AMN1: variants seen among roughly 807,000 people sequenced by gnomAD.
The protein encoded by AMN1 is antagonist of mitotic exit network 1 homolog, also known as protein AMN1 homolog.
AMN1 carries 20 observed loss-of-function variants against 33.0 expected under a neutral mutation model. The ratio of observed to expected loss-of-function variants is 0.61; its 90% CI spans 0.43 to 0.88. The LOEUF is 0.88. Among genes scored for constraint, AMN1 ranks in the 40% least tolerant of loss-of-function variants. AMN1 has a pLI of 0.00. For synonymous variants in AMN1, 114 were observed against 111.9 expected (o/e 1.02, Z -0.12); for missense variants, 246 against 307.4 (o/e 0.80, Z 1.49).
chr12:31,686,516 C>T (rs1938268649), intron 6 of AMN1, among the ~76,000 whole-genome samples: 1 of 152,020 alleles, frequency 6.6e-6, no homozygotes, highest in African/African-American at 2.4e-5. Flanking sequence ...GATGGGGTTA[C>T]ACCCTGACAA....
chr12:31,700,114 G>A lies in AMN1; in HGVS notation c.316+1749C>T, dbSNP rs879396823. On this transcript the variant is annotated intron_variant, in intron 3 of 6. Transcript: ENST00000281471. ...ACTCAACTACCCACACAGTTTTCCAGAATTCTAAGAGGCCAAAAAAGTCCC... is the reference window on the plus strand; with the variant it reads ...ACTCAACTACCCACACAGTTTTCCAAAATTCTAAGAGGCCAAAAAAGTCCC... Among the ~76,000 whole-genome samples the A allele has an allele frequency of 3.4e-5, 5 of 148,570 alleles. No homozygotes were observed. In the Admixed American group the frequency reaches 3.4e-4, roughly 10 times the overall value.
intron 1 of AMN1, among the ~76,000 whole-genome samples, chr12:31,721,689 C>T (rs1939882531): frequency 6.6e-6 from 1 of 152,184 alleles, no homozygotes; most frequent in Non-Finnish European, 1.5e-5. Context: ...TATATTTTTA[C>T]TGACTCTTGG....
chr12:31,697,962 G>A lies in AMN1; in HGVS notation c.317-5C>T. 6.2e-7 allele frequency: 1 copy of A among 1,613,138 alleles called. No individual in the cohort carries two copies. Among genetic ancestry groups the A allele is most frequent in the African/African-American group, 1.3e-5 (1 of 75,004 alleles). ...ATGAAGCCACAGCTTTTATTCCTGG[G>A]GGAAAATATAATTATATATCAATGA... On this transcript the variant is annotated splice_region_variant and splice_polypyrimidine_tract_variant and intron_variant, in intron 3 of 6. Coordinates refer to ENST00000281471, the MANE Select transcript of AMN1 (RefSeq NM_001113402.2).
chr12:31,675,644 G>A (rs546579877), intron 6 of AMN1, among the ~76,000 whole-genome samples: 24 of 151,444 alleles, frequency 1.6e-4, no homozygotes, highest in Admixed American at 2.6e-4. Flanking sequence ...ACAGGCGCCC[G>A]CAACCACGCC....
At chr12:31,684,024 C>T (rs995336910) in intron 6 of AMN1, among the ~76,000 whole-genome samples, 1 of 152,118 alleles carries the variant, frequency 6.6e-6, no homozygotes, top group African/African-American at 2.4e-5. Flanking sequence ...ATGTTAACAA[C>T]TGATTTTTGT....
intron 4 of AMN1, 114 bp downstream of exon 4, chr12:31,697,626 G>C (rs1938788280): frequency 1.7e-6 from 2 of 1,185,510 alleles, no homozygotes; most frequent in Non-Finnish European, 2.4e-6. Context: ...AGCATGAAGT[G>C]GTCAATAGTT....
chr12:31,726,609 T>A (rs1035687687), intron 1 of AMN1, among the ~76,000 whole-genome samples: 68 of 152,238 alleles, frequency 4.5e-4, no homozygotes, highest in African/African-American at 1.4e-3. Flanking sequence ...CCAAGCCCTG[T>A]TTCCTTCATG....
intron 6 of AMN1, among the ~76,000 whole-genome samples, chr12:31,684,140 G>C (rs1417395064): frequency 6.6e-6 from 1 of 152,128 alleles, no homozygotes; most frequent in Non-Finnish European, 1.5e-5. Context: ...CATTGGTAAA[G>C]ATCAACTCAA....
At position 31,728,968 on chromosome 12, in the gene AMN1, CACAGAT is replaced by C; in HGVS notation, c.35_38+2del. On this transcript the variant is annotated splice_donor_variant and coding_sequence_variant, in exon 1 of 7. Transcript: ENST00000281471. LOFTEE classifies it high-confidence loss of function. ...GAAGGGAGGCGGGACAGGGTAGACT[CACAGAT>C]CCAGGAGCTGACTGACCCGCCGTGG... 2 of 1,546,820 alleles carry C rather than the reference CACAGAT, an allele frequency of 1.3e-6. No individual in the cohort carries two copies. The highest frequency in any genetic ancestry group is 1.7e-6 in the Non-Finnish European group (2 of 1,144,098).
rs142454734 is a variant in AMN1, at chr12:31,695,599, T to C, written c.591+1762A>G. On this transcript the variant is annotated intron_variant, in intron 5 of 6. Transcript: ENST00000281471. Reference sequence around the variant, plus strand: ...CTCCCAGGTTCAAGTGATTCTCCTATCTCAGGCTCCCAAGTAGCTGGGATT... The same window carrying C: ...CTCCCAGGTTCAAGTGATTCTCCTACCTCAGGCTCCCAAGTAGCTGGGATT... Among the ~76,000 whole-genome samples the C allele has an allele frequency of 8.2e-3, 1,249 of 151,464 alleles. 17 individuals carry two copies. Among genetic ancestry groups the C allele is most frequent in the African/African-American group, 0.029 (1,179 of 41,332 alleles).
intron 6 of AMN1, among the ~76,000 whole-genome samples, chr12:31,677,020 C>T (rs1034642463): frequency 6.6e-6 from 1 of 151,666 alleles, no homozygotes; most frequent in Non-Finnish European, 1.5e-5. Context: ...CTCTCTTGGC[C>T]GGGCGCGGCG....
chr12:31,689,080 C>T lies in AMN1; in HGVS notation c.630G>A (p.Gly210=). 1.1e-5 allele frequency: 18 copies of T among 1,613,342 alleles called. No individual in the cohort carries two copies. Among genetic ancestry groups the T allele is most frequent in the Non-Finnish European group, 1.4e-5 (17 of 1,179,638 alleles). The change falls in exon 6 of 7, where the codon GGG becomes GGA. Residue 210 remains glycine, a synonymous_variant. Transcript: ENST00000281471. The part of the protein sequence containing the change: ...HMGHCVNLTD[G]AVEAVLTYCP... Reference sequence around the variant, plus strand: ...AGTAAGTAAGGACAGCTTCGACAGCCCCATCAGTCAGATTTACACAATGTC... The same window carrying T: ...AGTAAGTAAGGACAGCTTCGACAGCTCCATCAGTCAGATTTACACAATGTC...
intron 1 of AMN1, among the ~76,000 whole-genome samples, chr12:31,728,161 C>G (rs1367907702): frequency 2.0e-5 from 3 of 152,124 alleles, no homozygotes; most frequent in South Asian, 2.1e-4. Flanking sequence ...TTTCAGAAAG[C>G]CTTCAGTAGA....
intron 3 of AMN1, among the ~76,000 whole-genome samples, chr12:31,698,376 A>C (rs1938831596): frequency 6.6e-6 from 1 of 152,210 alleles, no homozygotes. Flanking sequence ...TTCAGTCATG[A>C]TCTTCATGCT....
chr12:31,709,110 G>A (rs1592169401), intron 2 of AMN1, 183 bp downstream of exon 2: 1 of 687,430 alleles, frequency 1.5e-6, no homozygotes, highest in East Asian at 3.0e-5. Flanking sequence ...AGGCAGCGGA[G>A]GTTGCAGTGA....
chr12:31,718,355 G>T (rs1939755549), intron 1 of AMN1, among the ~76,000 whole-genome samples: 1 of 151,992 alleles, frequency 6.6e-6, no homozygotes, highest in South Asian at 2.1e-4. Flanking sequence ...TGTTGGGTTA[G>T]AACATGCTTC....
At chr12:31,722,444 TAAAAAATCCACTAAAA>T (rs1939913643) in intron 1 of AMN1, among the ~76,000 whole-genome samples, 1 of 152,116 alleles carries the variant, frequency 6.6e-6, no homozygotes, top group Non-Finnish European at 1.5e-5. Flanking sequence ...AACGGACTTT[TAAAAAATCCACTAAAA>T]GAAATTTCTG....
rs148923368 is a variant in AMN1 at position 31,684,393 on chromosome 12, T to C, written c.703+4614A>G. 8.1e-3 allele frequency among the ~76,000 whole-genome samples: 1,234 copies of C among 152,128 alleles called. 17 individuals carry two copies. Among genetic ancestry groups the C allele is most frequent in the African/African-American group, 0.028 (1,163 of 41,408 alleles). ...TTACGATTTTTAAAAAATGAATGTC[T>C]ATTAAAATTTATCTGTTTTAATAGA... On this transcript the variant is annotated intron_variant, in intron 6 of 6. Transcript: ENST00000281471.
intron 1 of AMN1, 54 bp downstream of exon 1, chr12:31,728,917 G>C (rs569697320): frequency 1.8e-5 from 27 of 1,528,700 alleles, no homozygotes; most frequent in Non-Finnish European, 2.2e-5. Flanking sequence ...GGGCCTGGCC[G>C]TTTGGAGGAG....
Sources: allele counts gnomAD v4.1 joint callset (sites outside exome capture counted in the v4.1 genomes callset), GRCh38; gene constraint gnomAD v4.1.1; transcripts MANE v1.5; gene names NCBI Gene and HGNC (gene_info 2026-07-23, HGNC 2026-07-21).